The following ZNF831 variants were observed in gnomAD, a reference collection of about 807,000 sequenced individuals.
ZNF831 encodes zinc finger protein 831, also known as chromosome 20 open reading frame 174.
ZNF831 carries 59 observed loss-of-function variants against 95.8 expected under a neutral mutation model. The ratio of observed to expected loss-of-function variants is 0.62; its 90% CI spans 0.50 to 0.77. ZNF831 has a LOEUF of 0.77. Among genes scored for constraint, ZNF831 ranks in the 30% least tolerant of loss-of-function variants. The pLI, the probability that ZNF831 is intolerant of heterozygous loss-of-function variation, is 0.00. For missense variants in ZNF831, 2,205 were observed against 2,164.0 expected (o/e 1.02, Z -0.38); for synonymous variants, 961 against 925.5 (o/e 1.04, Z -0.70).
intron 3 of ZNF831, among the ~76,000 whole-genome samples, chr20:59,197,184 T>G (rs921671930): frequency 6.6e-6 from 1 of 152,144 alleles, no homozygotes; most frequent in African/African-American, 2.4e-5. Context: ...AGATGGCCTC[T>G]TCTCTTTTGG....
intron 2 of ZNF831, among the ~76,000 whole-genome samples, chr20:59,148,768 T>G (rs540156234): frequency 7.1e-5 from 10 of 141,264 alleles, no homozygotes; most frequent in African/African-American, 2.6e-4. Context: ...CTGGGTCTCA[T>G]GTCTTGAGGC....
intron 3 of ZNF831, among the ~76,000 whole-genome samples, chr20:59,205,214 C>T (rs1476832002): frequency 6.6e-6 from 1 of 152,212 alleles, no homozygotes; most frequent in Non-Finnish European, 1.5e-5. Flanking sequence ...AGAATTCTCT[C>T]CATGTGCCAC....
chr20:59,150,444 A>G (rs1290249378), intron 2 of ZNF831, among the ~76,000 whole-genome samples: 1 of 152,248 alleles, frequency 6.6e-6, no homozygotes, highest in African/African-American at 2.4e-5. Context: ...TTGTTAGTAT[A>G]AGCGTGTCCC....
intron 1 of ZNF831, among the ~76,000 whole-genome samples, chr20:59,124,991 A>C (rs1446934396): frequency 2.0e-5 from 3 of 152,354 alleles, no homozygotes; most frequent in Middle Eastern, 3.4e-3. Context: ...CAAGTATTTT[A>C]GGCCTGGCCA....
At chr20:59,197,148 T>C (rs1385525055) in intron 3 of ZNF831, among the ~76,000 whole-genome samples, 2 of 152,158 alleles carry the variant, frequency 1.3e-5, no homozygotes, top group African/African-American at 4.8e-5. Flanking sequence ...CTTTCCCCTG[T>C]AGCTGCTCAG....
chr20:59,229,388 C>T (rs143965230), intron 4 of ZNF831, among the ~76,000 whole-genome samples: 29 of 152,288 alleles, frequency 1.9e-4, no homozygotes, highest in African/African-American at 6.7e-4. Flanking sequence ...TTGCATTCTG[C>T]TGGCCAAGGA....
upstream of ZNF831, among the ~76,000 whole-genome samples, chr20:59,163,438 T>A (rs1981006116): frequency 1.3e-5 from 2 of 152,206 alleles, no homozygotes; most frequent in Non-Finnish European, 2.9e-5. Flanking sequence ...CGCAGAAATC[T>A]TTCACTGGGA....
chr20:59,213,035 T>C (rs1054924743), intron 4 of ZNF831, among the ~76,000 whole-genome samples: 1 of 152,228 alleles, frequency 6.6e-6, no homozygotes, highest in African/African-American at 2.4e-5. Flanking sequence ...ACAAAGATGA[T>C]AACTCTAGGA....
Position 59,194,377 on chromosome 20 carries a change from G to T in ZNF831, c.3358G>T (p.Val1120Leu), listed in dbSNP as rs1421260570. 3.5e-5 allele frequency: 56 copies of T among 1,611,028 alleles called. No individual in the cohort carries two copies. The highest frequency in any genetic ancestry group is 4.6e-5 in the Non-Finnish European group (54 of 1,178,750). ...AGAAGATCCTTCTTCAGGGCCCCTG[G>T]TGGGCCCCGACCCGTGTTCCCCCCT... ...APEDPSSGPL[V>L]GPDPCSPLQP... Residue 1120 changes from valine (V) to leucine (L), a missense_variant, in exon 2 of 6, where the codon GTG (valine) becomes TTG (leucine). By Grantham distance (32) the Val-to-Leu change is conservative (BLOSUM62 1). Transcript: ENST00000371030.
intron 4 of ZNF831, among the ~76,000 whole-genome samples, chr20:59,248,725 T>C (rs1280282944): frequency 1.3e-5 from 2 of 152,232 alleles, no homozygotes; most frequent in African/African-American, 4.8e-5. Context: ...CACTTGTGCT[T>C]GGTGAACGAT....
At chr20:59,211,728 C>T (rs1051357138) in intron 4 of ZNF831, among the ~76,000 whole-genome samples, 3 of 151,842 alleles carry the variant, frequency 2.0e-5, no homozygotes, top group South Asian at 2.1e-4. Context: ...TTTGACCTGG[C>T]GCGTCCTGGA....
At chr20:59,177,786 G>A (rs1257830997) in intron 1 of ZNF831, among the ~76,000 whole-genome samples, 1 of 152,194 alleles carries the variant, frequency 6.6e-6, no homozygotes. Flanking sequence ...GAGCAGAAGC[G>A]TGCAAGCTTC....
intron 5 of ZNF831, among the ~76,000 whole-genome samples, chr20:59,253,444 C>T (rs185233045): frequency 1.4e-4 from 21 of 152,148 alleles, no homozygotes; most frequent in African/African-American, 4.8e-4. Context: ...GAAGCCCCCC[C>T]AGACAGACTG....
chr20:59,226,756 G>C (rs1192090983), intron 4 of ZNF831, among the ~76,000 whole-genome samples: 1 of 151,668 alleles, frequency 6.6e-6, no homozygotes, highest in African/African-American at 2.4e-5. Context: ...AGCTGAACTT[G>C]TAGCATGCAT....
chr20:59,167,625 C>G (rs538875858), intron 1 of ZNF831, among the ~76,000 whole-genome samples: 6 of 151,704 alleles, frequency 4.0e-5, no homozygotes, highest in Non-Finnish European at 7.4e-5. Context: ...GAGTTAATTT[C>G]TATATAAGTA....
chr20:59,210,385 C>T (rs569364064), intron 4 of ZNF831, among the ~76,000 whole-genome samples: 68 of 152,198 alleles, frequency 4.5e-4, no homozygotes, highest in African/African-American at 1.5e-3. Flanking sequence ...TCCGCGGAGC[C>T]GCCATATGTG....
chr20:59,216,381 G>C (rs1985681439), intron 4 of ZNF831, among the ~76,000 whole-genome samples: 1 of 152,236 alleles, frequency 6.6e-6, no homozygotes, highest in Non-Finnish European at 1.5e-5. Flanking sequence ...AGAGGCACTT[G>C]CCAAGAGTTT....
intron 1 of ZNF831, among the ~76,000 whole-genome samples, chr20:59,141,139 A>C (rs1979665973): frequency 1.3e-5 from 2 of 152,100 alleles, no homozygotes; most frequent in African/African-American, 2.4e-5. Flanking sequence ...ACCTCAAATA[A>C]TCTGCCCACC....
At position 59,191,727 on chromosome 20, in the gene ZNF831, G is replaced by A. The variant is rs201897464; in HGVS notation, c.708G>A (p.Gly236=). Residue 236 remains glycine, a synonymous_variant, in exon 2 of 6, where the codon GGG becomes GGA. Transcript: ENST00000371030. ...PEGRGESRCQ[G]MHEGASERPL... ...GCAGGGGCGAGAGCAGGTGCCAGGG[G>A]ATGCACGAAGGCGCCTCGGAGAGAC... 5 of 1,584,774 alleles carry A rather than the reference G, an allele frequency of 3.2e-6. No individual in the cohort carries two copies. Among genetic ancestry groups the A allele is most frequent in the Non-Finnish European group, 8.6e-7 (1 of 1,164,428 alleles).
Sources: gnomAD v4.1 joint callset for allele counts (sites outside exome capture counted in the v4.1 genomes callset) on GRCh38, gnomAD v4.1.1 for gene constraint, MANE v1.5 for transcripts, NCBI Gene and HGNC (gene_info 2026-07-23, HGNC 2026-07-21) for gene names.